The following GLB1L2 variants were observed in gnomAD, a reference collection of about 807,000 sequenced individuals.
GLB1L2 encodes the protein beta-galactosidase-1-like protein 2.
GLB1L2 carries 68 observed loss-of-function variants against 84.1 expected under a neutral mutation model. That is an observed-to-expected ratio of 0.81 (90% CI 0.67 to 0.99). The LOEUF (loss-of-function observed/expected upper bound fraction) is 0.99, where lower values mean the gene tolerates loss of function less well. Ranked by LOEUF, GLB1L2 falls within the 50% of genes least tolerant of loss-of-function variation. GLB1L2 has a pLI of 0.00. For synonymous variants in GLB1L2, 290 were observed against 318.0 expected, an observed-to-expected ratio of 0.91 and a Z score of 0.94; for missense variants, 762 against 805.6, an observed-to-expected ratio of 0.95 and a Z score of 0.66.
At chr11:134,347,552 C>T in intron 5 of GLB1L2, 119 bp downstream of exon 5, 3 of 721,436 alleles carry the variant, frequency 4.2e-6, no homozygotes, top group Non-Finnish European at 7.6e-6. Flanking sequence ...GCAGGCTCTT[C>T]CTCACCGTCC....
rs368566124 is a variant in GLB1L2, at chr11:134,369,746, G to A, written c.1028-59G>A. On this transcript the variant is annotated intron_variant, in intron 10 of 18. Transcript: ENST00000535456. ...CCTTCCAAGCTTCTCCCTGTTCTTC[G>A]TGCTACATGTGCTGTGCTGGGGACA... 2.0e-4 allele frequency: 292 copies of A among 1,467,332 alleles called. 2 individuals carry two copies. The East Asian group carries it at 3.1e-3, about 16-fold the overall frequency. 90.9% of individuals were successfully genotyped at this position (1,467,332 alleles called of 1,614,324 possible).
At chr11:134,363,088 T>G (rs1281551530) in intron 7 of GLB1L2, among the ~76,000 whole-genome samples, 1 of 152,158 alleles carries the variant, frequency 6.6e-6, no homozygotes, top group Non-Finnish European at 1.5e-5. Context: ...GACTTTGAGT[T>G]CAGCCTGCTC....
chr11:134,342,427 C>T (rs968480533), intron 1 of GLB1L2, among the ~76,000 whole-genome samples: 1 of 151,842 alleles, frequency 6.6e-6, no homozygotes, highest in Admixed American at 6.6e-5. Flanking sequence ...GAAGCCCGTG[C>T]GGCGCCCGCC....
Position 134,370,815 on chromosome 11 carries a change from T to C in GLB1L2, c.1216-193T>C, listed in dbSNP as rs1943942644. 6.6e-6 allele frequency among the ~76,000 whole-genome samples: 1 copy of C among 152,164 alleles called. No homozygotes were observed. The highest frequency in any genetic ancestry group is 1.5e-5 in the Non-Finnish European group (1 of 68,020). ...CCCCTGCCTGCGGACTGCACTCTGC[T>C]GGTGCACACCCCTTTGCCCCACTCC... On this transcript the variant is annotated intron_variant, in intron 12 of 18. Coordinates refer to ENST00000535456, the MANE Select transcript of GLB1L2 (RefSeq NM_001370461.1). This position sits in a 1 kb window ranked among gnomAD's most constrained non-coding sequence, Gnocchi z 4.7.
rs78867414 is a variant in GLB1L2, at chr11:134,373,663, C to T, written c.1508-58C>T. ...CCAGGGCTTCCCCTCGTGGCCCCGG[C>T]CCAGCTGACTCGGCCCCTGCCTTTG... is the stretch of plus-strand genomic sequence containing the variant. On this transcript the variant is annotated intron_variant, in intron 15 of 18. Coordinates refer to ENST00000535456, the MANE Select transcript of GLB1L2 (RefSeq NM_001370461.1). 3,554 of 1,165,596 alleles carry T rather than the reference C, an allele frequency of 3.0e-3. 56 individuals carry two copies. In the African/African-American group the frequency reaches 0.044, roughly 14 times the overall value. 72.2% of individuals were successfully genotyped at this position (1,165,596 alleles called of 1,614,324 possible). A position where few individuals can be genotyped will look rare whatever the true frequency, so the allele number is the denominator to read the frequency against.
At chr11:134,365,600 A>G (rs1482175713) in intron 8 of GLB1L2, among the ~76,000 whole-genome samples, 1 of 152,232 alleles carries the variant, frequency 6.6e-6, no homozygotes, top group Non-Finnish European at 1.5e-5. Flanking sequence ...GAAAGTGCCT[A>G]GCACAGCAGC....
Position 134,374,711 on chromosome 11 carries a change from T to C in GLB1L2, c.1817T>C (p.Ile606Thr). Residue 606 changes from isoleucine to threonine, a missense_variant, in exon 18 of 19, where the codon ATC becomes ACC. Ile to Thr is a moderately conservative substitution (Grantham distance 89, BLOSUM62 -1). Transcript: ENST00000535456. ...CCAGGTCCCTGGTTGAGCAGCGGAATCAACCAGGTGGGAGCTTCCAGCCCC... is the reference window on the plus strand; with the variant it reads ...CCAGGTCCCTGGTTGAGCAGCGGAACCAACCAGGTGGGAGCTTCCAGCCCC... ...YLPGPWLSSGINQVIVFEETM... is the reference protein window; with the variant it reads ...YLPGPWLSSGTNQVIVFEETM... 2 of 1,611,988 alleles carry C rather than the reference T, an allele frequency of 1.2e-6. No individual in the cohort carries two copies. The highest frequency in any genetic ancestry group is 1.7e-6 in the Non-Finnish European group (2 of 1,178,212).
At chr11:134,340,060 G>T (rs1035600289) in intron 1 of GLB1L2, among the ~76,000 whole-genome samples, 1 of 152,176 alleles carries the variant, frequency 6.6e-6, no homozygotes, top group East Asian at 1.9e-4. Flanking sequence ...GTGTTGGAAT[G>T]TCGGTCAGAG....
intron 5 of GLB1L2, among the ~76,000 whole-genome samples, chr11:134,348,878 A>C (rs922807847): frequency 1.3e-5 from 2 of 152,228 alleles, no homozygotes; most frequent in Non-Finnish European, 2.9e-5. Flanking sequence ...TACATGGCAG[A>C]GAGCGTCAGA....
chr11:134,364,601 A>G, intron 8 of GLB1L2: 1 of 563,686 alleles, frequency 1.8e-6, no homozygotes, highest in Non-Finnish European at 3.1e-6. Context: ...AGGCTGATGC[A>G]GTGTGGACAT....
chr11:134,336,826 T>C (rs1030818541), intron 1 of GLB1L2, among the ~76,000 whole-genome samples: 5 of 152,196 alleles, frequency 3.3e-5, no homozygotes, highest in Non-Finnish European at 7.3e-5. Flanking sequence ...TACAAGCATC[T>C]TGAAGATCAG....
At chr11:134,344,748 C>T (rs1943523411) in intron 3 of GLB1L2, among the ~76,000 whole-genome samples, 1 of 152,246 alleles carries the variant, frequency 6.6e-6, no homozygotes, top group African/African-American at 2.4e-5. Context: ...TGGGGCAGGG[C>T]GGCCCCTCTA....
chr11:134,356,336 G>A lies in GLB1L2; in HGVS notation c.594G>A (p.Val198=). Residue 198 remains valine (V), a synonymous_variant, in exon 6 of 19, where the codon GTG becomes GTA. Coordinates refer to ENST00000535456, the MANE Select transcript of GLB1L2 (RefSeq NM_001370461.1). The stretch of plus-strand genomic sequence containing the variant: ...GGGGACCTATCATTGCCGTGCAGGT[G>A]GAGAATGAATATGGTTCCTATAATA... ...KRGGPIIAVQ[V]ENEYGSYNKD... is the part of the protein sequence containing the mutation. 1.2e-6 allele frequency: 2 copies of A among 1,614,036 alleles called. No individual in the cohort carries two copies. Among genetic ancestry groups the A allele is most frequent in the Non-Finnish European group, 1.7e-6 (2 of 1,179,968 alleles).
At chr11:134,361,373 T>C (rs1484383305) in intron 7 of GLB1L2, 1 of 151,968 alleles carries the variant, frequency 6.6e-6, no homozygotes, top group Non-Finnish European at 1.5e-5. Context: ...AGGTGATGAG[T>C]GTTCTTTCCT....
chr11:134,371,459 C>G lies in GLB1L2; in HGVS notation c.1395C>G (p.Tyr465Ter), dbSNP rs748465458. The G allele has an allele frequency of 1.2e-6, 2 of 1,601,336 alleles. No individual in the cohort carries two copies. The highest frequency in any genetic ancestry group is 1.7e-6 in the Non-Finnish European group (2 of 1,168,484). Residue 465 changes from tyrosine (Y) to a stop codon, truncating the protein, a stop_gained, in exon 14 of 19, where the codon TAC becomes TAG. Transcript: ENST00000535456. LOFTEE classifies it high-confidence loss of function. Reference protein sequence around the residue: ...VNTVSIGFLDYKTTKIAVPLI... With the variant: ...VNTVSIGFLD ...CAGTATCCATAGGATTCTTGGACTA[C>G]AAGACAACGAAGATTGCTGTCCCCC...
intron 1 of GLB1L2, 38 bp from the exon 2 acceptor site, chr11:134,342,716 C>T (rs768064128): frequency 9.5e-6 from 15 of 1,583,020 alleles, no homozygotes; most frequent in South Asian, 7.8e-5. Context: ...CTCTGCGGCC[C>T]GGAGCCTCCA....
intron 5 of GLB1L2, among the ~76,000 whole-genome samples, chr11:134,355,711 T>C (rs1263039496): frequency 6.6e-6 from 1 of 152,246 alleles, no homozygotes; most frequent in Non-Finnish European, 1.5e-5. Context: ...CAAGGCTTTA[T>C]AGTCCTCTGG....
rs1318341485 is a variant in GLB1L2 at position 134,339,779 on chromosome 11, AG to A, written c.87-2973del. Among the ~76,000 whole-genome samples the A allele has an allele frequency of 2.0e-5, 3 of 152,114 alleles. No individual in the cohort carries two copies. Among genetic ancestry groups the A allele is most frequent in the Non-Finnish European group, 2.9e-5 (2 of 68,022 alleles). ...GTTAGAATGCAGATTTTGATTCAGT[AG>A]GTCTCAAGTAAGGCTTAAGGTTTAT... On this transcript the variant is annotated intron_variant, in intron 1 of 18. Coordinates refer to ENST00000535456, the MANE Select transcript of GLB1L2 (RefSeq NM_001370461.1). The surrounding 1 kb of genome is among the most constrained non-coding windows in gnomAD (Gnocchi z 5.7).
intron 10 of GLB1L2, 117 bp downstream of exon 10, chr11:134,368,898 T>C (rs1943902651): frequency 1.1e-5 from 12 of 1,065,784 alleles, no homozygotes; most frequent in Non-Finnish European, 1.6e-5. Context: ...GGCAATAGAG[T>C]ACCTGGAGAA....
Sources: gnomAD v4.1 joint callset for allele counts (sites outside exome capture counted in the v4.1 genomes callset) on GRCh38, gnomAD v4.1.1 for gene constraint, Gnocchi (gnomAD v3.1) non-coding constraint, MANE v1.5 for transcripts, NCBI Gene and HGNC (gene_info 2026-07-23, HGNC 2026-07-21) for gene names.